The following ELF5 variants were observed in gnomAD, a reference collection of about 807,000 sequenced individuals.
ELF5 encodes the protein ETS-related transcription factor Elf-5.
In ELF5, 31 loss-of-function variants were observed where a neutral mutation model predicts 38.2. The observed-to-expected ratio is 0.81, with a 90% CI of 0.61 to 1.10. The LOEUF (loss-of-function observed/expected upper bound fraction) is 1.10, where lower values mean the gene tolerates loss of function less well. ELF5 is among the 50% of genes least tolerant of loss of function. The pLI, the probability that ELF5 is intolerant of heterozygous loss-of-function variation, is 0.00. For missense variants in ELF5, 300 were observed against 306.6 expected (o/e 0.98, Z 0.16); for synonymous variants, 121 against 112.5 (o/e 1.08, Z -0.48).
intron 2 of ELF5, among the ~76,000 whole-genome samples, chr11:34,501,027 C>G (rs1850453259): frequency 6.6e-6 from 1 of 152,152 alleles, no homozygotes; most frequent in Admixed American, 6.5e-5. Context: ...CTATGAAGTC[C>G]TCTGTCATGT....
intron 1 of ELF5, among the ~76,000 whole-genome samples, chr11:34,508,679 C>G (rs528793003): frequency 2.7e-4 from 41 of 152,332 alleles, no homozygotes; most frequent in Admixed American, 2.6e-3. Context: ...CCAGATTCAT[C>G]TGGCATGTTG....
At chr11:34,501,388 C>T (rs1850463244) in intron 2 of ELF5, among the ~76,000 whole-genome samples, 1 of 152,112 alleles carries the variant, frequency 6.6e-6, no homozygotes, top group Non-Finnish European at 1.5e-5. Flanking sequence ...GGAGGCGCTG[C>T]ATGTGTGCGT....
At chr11:34,490,358 A>G (rs1277885648) in intron 3 of ELF5, among the ~76,000 whole-genome samples, 1 of 152,194 alleles carries the variant, frequency 6.6e-6, no homozygotes, top group Non-Finnish European at 1.5e-5. Flanking sequence ...TCTGGGGTCC[A>G]GGGCTGGGCT....
At chr11:34,493,099 A>T in intron 3 of ELF5, 1 of 354,990 alleles carries the variant, frequency 2.8e-6, no homozygotes, top group Admixed American at 4.3e-5. Flanking sequence ...AAGGGAAGGT[A>T]GTCTATTTAA....
In ELF5 at chr11:34,490,154, C is replaced by A. The variant is rs534765826; in HGVS notation, c.356-95G>T. On this transcript the variant is annotated intron_variant, in intron 3 of 6. Transcript: ENST00000257832. ...GGGGTGTTGGAGGGAAGTGGAGTGA[C>A]TGTCCCTCTTGAGGTTGGTTACAAT... 5 of 1,356,268 alleles carry A rather than the reference C, an allele frequency of 3.7e-6. No homozygotes were observed. The African/African-American group carries it at 7.2e-5, about 19-fold the overall frequency. 84.0% of individuals were successfully genotyped at this position (1,356,268 alleles called of 1,614,324 possible). A position where few individuals can be genotyped will look rare whatever the true frequency, so the allele number is the denominator to read the frequency against.
intron 2 of ELF5, among the ~76,000 whole-genome samples, chr11:34,504,984 C>T (rs759956442): frequency 6.6e-6 from 1 of 152,142 alleles, no homozygotes; most frequent in Non-Finnish European, 1.5e-5. Context: ...TAGCTCTCAT[C>T]ACCCCTGGTT....
At chr11:34,483,312 G>C (rs994922090) in intron 4 of ELF5, among the ~76,000 whole-genome samples, 1 of 151,856 alleles carries the variant, frequency 6.6e-6, no homozygotes, top group Admixed American at 6.5e-5. Flanking sequence ...TAGAATATTC[G>C]AGCATATTCT....
intron 3 of ELF5, among the ~76,000 whole-genome samples, chr11:34,491,247 G>C (rs546151447): frequency 6.6e-6 from 1 of 152,134 alleles, no homozygotes; most frequent in Non-Finnish European, 1.5e-5. Flanking sequence ...AGGCAGAAAC[G>C]ATGTCTCCTG....
chr11:34,485,378 T>C (rs1849962965), intron 4 of ELF5, among the ~76,000 whole-genome samples: 1 of 152,258 alleles, frequency 6.6e-6, no homozygotes, highest in Admixed American at 6.5e-5. Flanking sequence ...TTATGAGATA[T>C]GTCTATTACT....
chr11:34,495,217 C>T (rs569727160), intron 2 of ELF5, among the ~76,000 whole-genome samples: 1 of 152,300 alleles, frequency 6.6e-6, no homozygotes, highest in East Asian at 1.9e-4. Flanking sequence ...GAGAACACAA[C>T]ACGAGGGCCT....
At chr11:34,493,893 G>A (rs962000374) in intron 2 of ELF5, among the ~76,000 whole-genome samples, 181 bp from the exon 3 acceptor site, 1 of 152,166 alleles carries the variant, frequency 6.6e-6, no homozygotes, top group African/African-American at 2.4e-5. Flanking sequence ...AAACCAGAGG[G>A]ACTGGATCCT....
chr11:34,494,228 C>T (rs1850259343), intron 2 of ELF5, among the ~76,000 whole-genome samples: 1 of 152,198 alleles, frequency 6.6e-6, no homozygotes, highest in Non-Finnish European at 1.5e-5. Context: ...CACACAGAAA[C>T]TTACCAACCA....
At chr11:34,490,870 G>A (rs1261771165) in intron 3 of ELF5, among the ~76,000 whole-genome samples, 3 of 152,122 alleles carry the variant, frequency 2.0e-5, no homozygotes, top group Admixed American at 6.5e-5. Context: ...AGTTGACTCT[G>A]TCCAAAGGGC....
intron 2 of ELF5, among the ~76,000 whole-genome samples, chr11:34,496,230 T>C (rs12360995): frequency 0.48 from 72,813 of 152,160 alleles, 18,172 homozygotes; most frequent in Non-Finnish European, 0.54. Flanking sequence ...CTCGGCGCTC[T>C]GCTTTGAAGC....
chr11:34,482,335 A>T, intron 5 of ELF5, 96 bp downstream of exon 5: 1 of 1,172,324 alleles, frequency 8.5e-7, no homozygotes, highest in Non-Finnish European at 1.2e-6. Context: ...AACTGGTCCA[A>T]CTCAAACATT....
intron 4 of ELF5, among the ~76,000 whole-genome samples, chr11:34,484,694 C>T (rs1250764068): frequency 1.7e-4 from 26 of 152,098 alleles, no homozygotes; most frequent in Admixed American, 1.6e-3. Context: ...TGCAGTGGTT[C>T]CCCATTTCTT....
chr11:34,510,113 G>A (rs970915927), intron 1 of ELF5, among the ~76,000 whole-genome samples: 4 of 151,654 alleles, frequency 2.6e-5, no homozygotes, highest in South Asian at 4.2e-4. Context: ...TCTTTATACC[G>A]GCCTACTCAC....
intron 2 of ELF5, among the ~76,000 whole-genome samples, chr11:34,494,704 G>A (rs1210947357): frequency 2.6e-5 from 4 of 152,170 alleles, no homozygotes; most frequent in Non-Finnish European, 4.4e-5. Context: ...AAGAGGTGCT[G>A]TATTAGGTAC....
chr11:34,482,900 G>C (rs997055840), intron 4 of ELF5, among the ~76,000 whole-genome samples: 22 of 152,088 alleles, frequency 1.4e-4, no homozygotes, highest in African/African-American at 4.8e-4. Context: ...AGCTTATGAA[G>C]GGTAGAAAGC....
Sources: gnomAD v4.1 joint callset for allele counts (sites outside exome capture counted in the v4.1 genomes callset) on GRCh38, gnomAD v4.1.1 for gene constraint, MANE v1.5 for transcripts, NCBI Gene and HGNC (gene_info 2026-07-23, HGNC 2026-07-21) for gene names.